The following ADAMTS14 variants were observed in gnomAD, a reference collection of about 807,000 sequenced individuals.
The protein encoded by ADAMTS14 is ADAM metallopeptidase with thrombospondin type 1 motif 14.
In ADAMTS14, 100 loss-of-function variants were observed where a neutral mutation model predicts 128.6. The observed-to-expected ratio is 0.78, with a 90% CI of 0.66 to 0.92. ADAMTS14 has a LOEUF of 0.92. Ranked by LOEUF, ADAMTS14 falls within the 40% of genes least tolerant of loss-of-function variation. ADAMTS14 has a pLI of 0.00. For synonymous variants in ADAMTS14, 665 were observed against 653.8 expected (o/e 1.02, Z -0.26); for missense variants, 1,562 against 1,658.6 (o/e 0.94, Z 1.01).
intron 13 of ADAMTS14, 126 bp downstream of exon 13, chr10:70,743,807 A>G: frequency 7.3e-7 from 1 of 1,365,552 alleles, no homozygotes; most frequent in Non-Finnish European, 9.7e-7. Context: ...GTTGGTCCTC[A>G]GCATAGCCCT....
intron 6 of ADAMTS14, 150 bp downstream of exon 6, chr10:70,730,399 C>A: frequency 8.6e-7 from 1 of 1,165,648 alleles, no homozygotes; most frequent in Non-Finnish European, 1.2e-6. Context: ...ATGAGCTTTG[C>A]AATGGTTTAT....
At chr10:70,673,318 A>T (rs978597542) in intron 1 of ADAMTS14, among the ~76,000 whole-genome samples, 16 of 152,144 alleles carry the variant, frequency 1.1e-4, no homozygotes, top group African/African-American at 3.6e-4. Flanking sequence ...CATAAGGCTA[A>T]CAGGTGATTG....
intron 3 of ADAMTS14, among the ~76,000 whole-genome samples, chr10:70,704,666 C>A (rs1840601338): frequency 6.7e-6 from 1 of 148,640 alleles, no homozygotes; most frequent in African/African-American, 2.5e-5. Flanking sequence ...TACACACTGA[C>A]ACAAACACAC....
At chr10:70,703,892 C>G (rs1465890629) in intron 3 of ADAMTS14, among the ~76,000 whole-genome samples, 2 of 152,222 alleles carry the variant, frequency 1.3e-5, no homozygotes, top group Admixed American at 1.3e-4. Flanking sequence ...TACGGGCCTT[C>G]CTTAGAAAGA....
At chr10:70,718,316 TAAA>T (rs948508900) in intron 4 of ADAMTS14, among the ~76,000 whole-genome samples, 1 of 152,104 alleles carries the variant, frequency 6.6e-6, no homozygotes, top group Non-Finnish European at 1.5e-5. Context: ...TTGTGAAAAG[TAAA>T]AAAACTCATT....
chr10:70,674,212 T>A (rs1397019559), intron 1 of ADAMTS14, among the ~76,000 whole-genome samples: 2 of 152,214 alleles, frequency 1.3e-5, no homozygotes, highest in African/African-American at 4.8e-5. Flanking sequence ...ATTTGCCCTG[T>A]TGGCTTTTGG....
intron 11 of ADAMTS14, among the ~76,000 whole-genome samples, chr10:70,740,299 G>T (rs1188921625): frequency 1.3e-5 from 2 of 152,198 alleles, no homozygotes; most frequent in African/African-American, 4.8e-5. Context: ...CCAGCACTTG[G>T]ACACTTTGTA....
At chr10:70,742,233 A>AGAG (rs896641169) in intron 12 of ADAMTS14, among the ~76,000 whole-genome samples, 3 of 152,330 alleles carry the variant, frequency 2.0e-5, no homozygotes, top group African/African-American at 7.2e-5. Flanking sequence ...GTTGCTGCCC[A>AGAG]GAGAGCTGCC....
intron 15 of ADAMTS14, among the ~76,000 whole-genome samples, chr10:70,746,236 T>C (rs10999507): frequency 0.23 from 34,710 of 152,152 alleles, 4,440 homozygotes; most frequent in Non-Finnish European, 0.3. Flanking sequence ...ACTATGAAGC[T>C]AGGCTCGATT....
At chr10:70,742,106 G>T (rs539776054) in intron 12 of ADAMTS14, among the ~76,000 whole-genome samples, 1 of 152,342 alleles carries the variant, frequency 6.6e-6, no homozygotes, top group South Asian at 2.1e-4. Flanking sequence ...TCAGAGGCCT[G>T]TCATTGCCAG....
intron 2 of ADAMTS14, among the ~76,000 whole-genome samples, chr10:70,690,440 T>A (rs764415277): frequency 6.9e-6 from 1 of 145,060 alleles, no homozygotes; most frequent in Non-Finnish European, 1.6e-5. Context: ...AGGAGCCACT[T>A]GTGGGGCTAG....
At chr10:70,742,192 C>G (rs1842021384) in intron 12 of ADAMTS14, among the ~76,000 whole-genome samples, 5 of 152,198 alleles carry the variant, frequency 3.3e-5, no homozygotes, top group Admixed American at 3.3e-4. Context: ...CTCACCACTC[C>G]CTTCGCACTG....
chr10:70,689,352 TAGA>T (rs1166636751), intron 2 of ADAMTS14, among the ~76,000 whole-genome samples: 3 of 144,754 alleles, frequency 2.1e-5, no homozygotes, highest in Non-Finnish European at 3.2e-5. Flanking sequence ...AGCTCACGTC[TAGA>T]AGAAGGACAG....
intron 16 of ADAMTS14, among the ~76,000 whole-genome samples, chr10:70,751,008 G>T (rs1244901611): frequency 6.6e-6 from 1 of 152,188 alleles, no homozygotes; most frequent in Non-Finnish European, 1.5e-5. Context: ...CATCAAGATT[G>T]AAAACTTAAG....
chr10:70,721,065 C>T (rs1195966777), intron 4 of ADAMTS14, among the ~76,000 whole-genome samples: 15 of 145,280 alleles, frequency 1.0e-4, no homozygotes, highest in African/African-American at 3.8e-4. Context: ...TGCTCTGTCA[C>T]CCAGGCTGGA....
At chr10:70,718,267 C>A (rs1841119708) in intron 4 of ADAMTS14, among the ~76,000 whole-genome samples, 1 of 152,068 alleles carries the variant, frequency 6.6e-6, no homozygotes, top group Non-Finnish European at 1.5e-5. Context: ...TCTTTTTGGT[C>A]TTTTTCTCTT....
chr10:70,712,655 A>G (rs1337330229), intron 4 of ADAMTS14, among the ~76,000 whole-genome samples: 2 of 152,076 alleles, frequency 1.3e-5, no homozygotes, highest in East Asian at 3.9e-4. Flanking sequence ...GCGTGCAGAC[A>G]GGAATTTTGC....
intron 2 of ADAMTS14, among the ~76,000 whole-genome samples, chr10:70,681,765 C>A (rs1177069617): frequency 6.6e-6 from 1 of 152,226 alleles, no homozygotes; most frequent in East Asian, 1.9e-4. Flanking sequence ...CTGTGACCTA[C>A]CCCCTCCCAG....
At chr10:70,717,105 G>C (rs1165168384) in intron 4 of ADAMTS14, among the ~76,000 whole-genome samples, 1 of 152,260 alleles carries the variant, frequency 6.6e-6, no homozygotes, top group Non-Finnish European at 1.5e-5. Context: ...TAAAGGGGTA[G>C]TTGTTTTCAG....
Sources: gnomAD v4.1 joint callset for allele counts (sites outside exome capture counted in the v4.1 genomes callset) on GRCh38, gnomAD v4.1.1 for gene constraint, MANE v1.5 for transcripts, NCBI Gene and HGNC (gene_info 2026-07-23, HGNC 2026-07-21) for gene names.